The following EIF4H variants were observed in gnomAD, a reference collection of about 807,000 sequenced individuals.
EIF4H encodes the protein eukaryotic translation initiation factor 4H.
Under a neutral mutation model 30.6 loss-of-function variants are expected in EIF4H, and 8 were observed. The observed-to-expected ratio is 0.26, with a 90% CI of 0.15 to 0.47. The LOEUF (loss-of-function observed/expected upper bound fraction) is 0.47. Among genes scored for constraint, EIF4H ranks in the 20% least tolerant of loss-of-function variants. EIF4H has a pLI of 0.99. For missense variants in EIF4H, 188 were observed against 339.5 expected (o/e 0.55, Z 3.51); for synonymous variants, 106 against 122.7 (o/e 0.86, Z 0.90).
intron 1 of EIF4H, among the ~76,000 whole-genome samples, chr7:74,179,075 A>G (rs1800901563): frequency 6.6e-6 from 1 of 152,152 alleles, no homozygotes; most frequent in African/African-American, 2.4e-5. Context: ...GGAGCCTTCT[A>G]AATGTCTGGC....
chr7:74,179,650 T>C (rs961211473), intron 1 of EIF4H, among the ~76,000 whole-genome samples: 1 of 79,402 alleles, frequency 1.3e-5, no homozygotes, highest in Non-Finnish European at 2.9e-5. Flanking sequence ...AAAAAAAAAG[T>C]CACTTTATCT....
Position 74,194,743 on chromosome 7 carries a change from T to C in EIF4H, c.472T>C (p.Phe158Leu), listed in dbSNP as rs1584189297. ...WDSRDDFNSGFRDDFLGGRGG... is the reference protein window; with the variant it reads ...WDSRDDFNSGLRDDFLGGRGG... Reference sequence around the variant, plus strand: ...TCAGTGTCCTGTTTCTTCCTCAGGCTTCAGGGATGACTTCTTAGGGGGCAG... The same window carrying C: ...TCAGTGTCCTGTTTCTTCCTCAGGCCTCAGGGATGACTTCTTAGGGGGCAG... The change falls in exon 6 of 7, where the codon TTC becomes CTC. Residue 158 changes from phenylalanine (F) to leucine (L), a missense_variant and splice_region_variant. Physicochemically the swap from Phe to Leu is conservative, Grantham distance 22 (BLOSUM62 0). Coordinates refer to ENST00000265753, the MANE Select transcript of EIF4H (RefSeq NM_022170.2). 1.9e-6 allele frequency: 3 copies of C among 1,583,894 alleles called. No individual in the cohort carries two copies. Among genetic ancestry groups the C allele is most frequent in the Non-Finnish European group, 2.6e-6 (3 of 1,156,942 alleles).
intron 6 of EIF4H, 28 bp from the exon 7 acceptor site, chr7:74,195,141 C>CT: frequency 6.2e-7 from 1 of 1,612,300 alleles, no homozygotes; most frequent in African/African-American, 1.3e-5. Context: ...GATCCACACT[C>CT]TGACAAACTC....
Position 74,186,788 on chromosome 7 carries a change from A to AATT in EIF4H, c.60-823_60-822insATT, listed in dbSNP as rs1801089805. 1.1e-4 allele frequency among the ~76,000 whole-genome samples: 8 copies of AATT among 70,116 alleles called. 1 individual carries two copies. Among genetic ancestry groups the AATT allele is most frequent in the African/African-American group, 1.5e-4 (3 of 20,550 alleles). The allele number at this position is 70,116 out of a possible 152,430, so 46.0% of individuals were successfully genotyped here. A position where few individuals can be genotyped will look rare whatever the true frequency, so the allele number is the denominator to read the frequency against. On this transcript the variant is annotated intron_variant, in intron 1 of 6. Coordinates refer to ENST00000265753, the MANE Select transcript of EIF4H (RefSeq NM_022170.2). ...GCCCATAATCAGGCAACAAGGAGAA[A>AATT]TTTTTTTTTTTTTTTTTTTTTTTTT...
intron 5 of EIF4H, among the ~76,000 whole-genome samples, chr7:74,193,526 G>A (rs551214940): frequency 3.6e-4 from 55 of 152,082 alleles, no homozygotes; most frequent in Non-Finnish European, 6.6e-4. Flanking sequence ...CACCACTCTC[G>A]CAGAGAGTAG....
Position 74,194,852 on chromosome 7 carries a change from A to G in EIF4H, c.581A>G (p.Asn194Ser), listed in dbSNP as rs1801305571. 2 of 1,598,712 alleles carry G rather than the reference A, an allele frequency of 1.3e-6. No individual in the cohort carries two copies. Among genetic ancestry groups the G allele is most frequent in the Non-Finnish European group, 1.7e-6 (2 of 1,167,364 alleles). Residue 194 changes from asparagine to serine, a missense_variant, in exon 6 of 7, where the codon AAC (asparagine) becomes AGC (serine). Asn to Ser is a conservative substitution (Grantham distance 46). Transcript: ENST00000265753. ...GATGGCCCTCCCCTCCGTGGATCCA[A>G]CATGGATTTCAGAGAACCCACAGAA... ...FRDGPPLRGS[N>S]MDFREPTEEE...
chr7:74,189,015 G>T (rs1801147962), intron 2 of EIF4H, among the ~76,000 whole-genome samples: 1 of 152,132 alleles, frequency 6.6e-6, no homozygotes, highest in Non-Finnish European at 1.5e-5. Context: ...ACAGGGCAAG[G>T]ACGCTGGGGG....
At chr7:74,185,524 C>G (rs1278817368) in intron 1 of EIF4H, among the ~76,000 whole-genome samples, 1 of 151,724 alleles carries the variant, frequency 6.6e-6, no homozygotes, top group African/African-American at 2.4e-5. Context: ...CGTGGAACTT[C>G]CTATTGGAAA....
chr7:74,192,695 T>TTG (rs1801250316), intron 5 of EIF4H, among the ~76,000 whole-genome samples: 14 of 124,814 alleles, frequency 1.1e-4, no homozygotes, highest in South Asian at 2.5e-4. Context: ...TTTTTTTTTT[T>TTG]GAGACAGAGG....
At chr7:74,193,747 G>A (rs1251363201) in intron 5 of EIF4H, among the ~76,000 whole-genome samples, 4 of 152,042 alleles carry the variant, frequency 2.6e-5, no homozygotes, top group South Asian at 4.1e-4. Context: ...TGAGTAGCTG[G>A]AACCCCAGGC....
chr7:74,174,521 C>G, intron 1 of EIF4H, 79 bp downstream of exon 1: 1 of 1,175,288 alleles, frequency 8.5e-7, no homozygotes. Context: ...GGCCGTCCTG[C>G]GCTCAGCCGG....
At chr7:74,191,188 A>G (rs1463482319) in intron 5 of EIF4H, 2 of 533,592 alleles carry the variant, frequency 3.7e-6, no homozygotes, top group Non-Finnish European at 7.7e-6. Context: ...TATAGTTCTT[A>G]AAAGTCCTGT....
chr7:74,181,962 G>A (rs1414270556), intron 1 of EIF4H, among the ~76,000 whole-genome samples: 1 of 151,908 alleles, frequency 6.6e-6, no homozygotes. Context: ...TGATTCATCC[G>A]CTTCAGCCTC....
chr7:74,187,885 C>A, intron 2 of EIF4H, 87 bp downstream of exon 2: 1 of 1,386,310 alleles, frequency 7.2e-7, no homozygotes, highest in African/African-American at 1.5e-5. Flanking sequence ...ATTTGTGAAC[C>A]AGAGGCTGTA....
At chr7:74,190,427 C>T in intron 5 of EIF4H, 121 bp downstream of exon 5, 1 of 983,082 alleles carries the variant, frequency 1.0e-6, no homozygotes. Flanking sequence ...AAATACAACT[C>T]TCCTGCAGGG....
Position 74,194,801 on chromosome 7 carries a change from G to T in EIF4H, c.530G>T (p.Gly177Val), listed in dbSNP as rs1332345952. 1.2e-6 allele frequency: 2 copies of T among 1,603,776 alleles called. No homozygotes were observed. The highest frequency in any genetic ancestry group is 2.7e-5 in the African/African-American group (2 of 74,740). ...GGSRPGDRRT[G>V]PPMGSRFRDG... ...AGTCGCCCAGGCGACCGGCGAACAG[G>T]CCCCCCCATGGGCAGCCGCTTCAGA... The change falls in exon 6 of 7, where the codon GGC (glycine) becomes GTC (valine). Residue 177 changes from glycine to valine, a missense_variant. Coordinates refer to ENST00000265753, the MANE Select transcript of EIF4H (RefSeq NM_022170.2).
chr7:74,178,607 C>T (rs543399868), intron 1 of EIF4H, among the ~76,000 whole-genome samples: 96 of 152,030 alleles, frequency 6.3e-4, no homozygotes, highest in African/African-American at 2.2e-3. Context: ...TTTAAGGAGT[C>T]TCCCTGGAAG....
chr7:74,186,227 CT>C (rs5884935), intron 1 of EIF4H, among the ~76,000 whole-genome samples: 9,148 of 142,860 alleles, frequency 0.064, 813 homozygotes, highest in African/African-American at 0.21. Flanking sequence ...ATTCTGATGT[CT>C]TTTTTTTTTT....
At chr7:74,176,391 CCG>C (rs1800840522) in intron 1 of EIF4H, among the ~76,000 whole-genome samples, 1 of 152,232 alleles carries the variant, frequency 6.6e-6, no homozygotes, top group South Asian at 2.1e-4. Context: ...GCATTAGCCA[CCG>C]CGCCCGGCCT....
Sources: gnomAD v4.1 joint callset for allele counts (sites outside exome capture counted in the v4.1 genomes callset) on GRCh38, gnomAD v4.1.1 for gene constraint, MANE v1.5 for transcripts, NCBI Gene and HGNC (gene_info 2026-07-23, HGNC 2026-07-21) for gene names.